The following AATF variants were observed in gnomAD, a reference collection of about 807,000 sequenced individuals.
AATF encodes the protein protein AATF.
In AATF, 48 loss-of-function variants were observed where a neutral mutation model predicts 63.7. The ratio of observed to expected loss-of-function variants is 0.75; its 90% CI spans 0.60 to 0.96. The LOEUF (loss-of-function observed/expected upper bound fraction) is 0.96. AATF is among the 40% of genes least tolerant of loss of function. The pLI is 0.00. For synonymous variants in AATF, 258 were observed against 247.7 expected, an observed-to-expected ratio of 1.04 and a Z score of -0.39; for missense variants, 639 against 685.7, an observed-to-expected ratio of 0.93 and a Z score of 0.76.
At chr17:37,018,730 G>A (rs2071446413) in intron 8 of AATF, among the ~76,000 whole-genome samples, 1 of 152,174 alleles carries the variant, frequency 6.6e-6, no homozygotes, top group South Asian at 2.1e-4. Context: ...TGAAGGGAAT[G>A]TTGCATACTC....
intron 8 of AATF, among the ~76,000 whole-genome samples, chr17:36,992,382 C>T (rs1222672851): frequency 6.6e-6 from 1 of 152,014 alleles, no homozygotes; most frequent in Non-Finnish European, 1.5e-5. Flanking sequence ...ATTCATTTGT[C>T]AGAAGAGTAA....
At chr17:37,021,044 A>T (rs767883177) in intron 10 of AATF, 30 bp downstream of exon 10, 2 of 1,512,944 alleles carry the variant, frequency 1.3e-6, no homozygotes, top group African/African-American at 1.4e-5. Context: ...AAATGTCAAC[A>T]TATATTGTAT....
intron 8 of AATF, chr17:36,998,575 G>A (rs778188397): frequency 5.9e-5 from 9 of 152,142 alleles, no homozygotes; most frequent in Admixed American, 2.0e-4. Flanking sequence ...TTTTTATACA[G>A]TTATAAACTT....
At chr17:36,972,671 ATTT>A (rs34793151) in intron 4 of AATF, among the ~76,000 whole-genome samples, 17,361 of 142,952 alleles carry the variant, frequency 0.12, 1,239 homozygotes, top group Non-Finnish European at 0.17. Context: ...TGGAGTAAAC[ATTT>A]TTTTTTTTTT....
Position 36,990,824 on chromosome 17 carries a change from A to G in AATF, c.1365A>G (p.Glu455=), listed in dbSNP as rs1267776760. The change falls in exon 8 of 12, where the codon GAA becomes GAG. Residue 455 remains glutamate, a synonymous_variant. Transcript: ENST00000619387. Reference sequence around the variant, plus strand: ...ATGCTCATCTGAAGGACTTGGATGAAGAAATCTTTGATGATGATGACTTTT... The same window carrying G: ...ATGCTCATCTGAAGGACTTGGATGAGGAAATCTTTGATGATGATGACTTTT... The part of the protein sequence containing the change: ...PANAHLKDLD[E]EIFDDDDFYH... The G allele has an allele frequency of 1.3e-6, 2 of 1,594,628 alleles. No homozygotes were observed. The highest frequency in any genetic ancestry group is 4.6e-5 in the East Asian group (2 of 43,550).
intron 4 of AATF, among the ~76,000 whole-genome samples, chr17:36,973,943 C>A (rs564852319): frequency 4.6e-5 from 7 of 152,014 alleles, no homozygotes; most frequent in South Asian, 2.1e-4. Context: ...TGGTGGCATA[C>A]GCCTGTAATC....
chr17:36,965,436 G>T (rs1038035132), intron 4 of AATF, among the ~76,000 whole-genome samples: 2 of 152,090 alleles, frequency 1.3e-5, no homozygotes, highest in African/African-American at 4.8e-5. Context: ...GGACCACCTG[G>T]CTTATCCAGG....
chr17:36,984,763 G>A (rs1040338938), intron 4 of AATF, among the ~76,000 whole-genome samples: 1 of 151,818 alleles, frequency 6.6e-6, no homozygotes, highest in African/African-American at 2.4e-5. Flanking sequence ...AGCCTCCCAA[G>A]TAGTTGGGAC....
chr17:37,046,917 A>AG (rs2142320842), intron 11 of AATF, among the ~76,000 whole-genome samples: 1 of 152,284 alleles, frequency 6.6e-6, no homozygotes, highest in East Asian at 1.9e-4. Context: ...AGGAGCTGTT[A>AG]GAGGGGCTGC....
At chr17:36,972,564 A>G (rs1215105567) in intron 4 of AATF, among the ~76,000 whole-genome samples, 2 of 152,138 alleles carry the variant, frequency 1.3e-5, no homozygotes, top group Admixed American at 6.6e-5. Context: ...ATTTTTTTTT[A>G]AAGAGACAGC....
Position 36,984,975 on chromosome 17 carries a change from C to T in AATF, c.833-1642C>T, listed in dbSNP as rs34435585. Among the ~76,000 whole-genome samples, 703 of 150,840 alleles carry T rather than the reference C, an allele frequency of 4.7e-3. 7 individuals are homozygous for T. Among genetic ancestry groups the T allele is most frequent in the African/African-American group, 0.016 (646 of 41,050 alleles). ...GGAGTAAAGTGGCACAGTCTCAGCT[C>T]ACTGCAACCTCTGCCTCCCAGGTTC... is the stretch of plus-strand genomic sequence containing the variant. On this transcript the variant is annotated intron_variant, in intron 4 of 11. Coordinates refer to ENST00000619387, the MANE Select transcript of AATF (RefSeq NM_012138.4).
chr17:37,037,861 T>C (rs1307292838), intron 11 of AATF, among the ~76,000 whole-genome samples: 1 of 152,162 alleles, frequency 6.6e-6, no homozygotes, highest in East Asian at 1.9e-4. Context: ...CTCATAACAG[T>C]GAGTTCTTGA....
intron 8 of AATF, among the ~76,000 whole-genome samples, chr17:37,010,504 G>A (rs1454710424): frequency 6.6e-6 from 1 of 152,098 alleles, no homozygotes; most frequent in East Asian, 1.9e-4. Flanking sequence ...TATATATGGA[G>A]CTCCTTCAAG....
chr17:37,042,516 G>T (rs1460312189), intron 11 of AATF, among the ~76,000 whole-genome samples: 1 of 150,324 alleles, frequency 6.7e-6, no homozygotes, highest in African/African-American at 2.4e-5. Context: ...CTGTGCTCTA[G>T]TGATTCTCCT....
chr17:36,989,527 A>T, intron 7 of AATF, 116 bp downstream of exon 7: 1 of 1,096,238 alleles, frequency 9.1e-7, no homozygotes, highest in Non-Finnish European at 1.2e-6. Context: ...AAAGGAAAGC[A>T]ACACTACTTT....
chr17:37,041,320 T>A (rs1418168541), intron 11 of AATF, among the ~76,000 whole-genome samples: 1 of 152,208 alleles, frequency 6.6e-6, no homozygotes, highest in East Asian at 1.9e-4. Context: ...TTTCAAGTAG[T>A]GCTGCAGTGA....
At chr17:37,054,686 C>G (rs543569556) in intron 11 of AATF, 4 of 152,210 alleles carry the variant, frequency 2.6e-5, no homozygotes, top group Non-Finnish European at 2.9e-5. Flanking sequence ...ACTGATATTG[C>G]GCGCAGAGTG....
chr17:36,989,728 A>G (rs551208163), intron 7 of AATF, among the ~76,000 whole-genome samples: 1 of 152,344 alleles, frequency 6.6e-6, no homozygotes, highest in South Asian at 2.1e-4. Flanking sequence ...TCAGTATTGA[A>G]ACAAGTGTGT....
chr17:37,037,161 A>T (rs1184902460), intron 11 of AATF, among the ~76,000 whole-genome samples: 9 of 146,208 alleles, frequency 6.2e-5, no homozygotes, highest in African/African-American at 2.0e-4. Context: ...GGCGCCCACC[A>T]CCCCTCCCCA....
Sources: gnomAD v4.1 joint callset for allele counts (sites outside exome capture counted in the v4.1 genomes callset) on GRCh38, gnomAD v4.1.1 for gene constraint, MANE v1.5 for transcripts, NCBI Gene and HGNC (gene_info 2026-07-23, HGNC 2026-07-21) for gene names.